Variants in WWOX observed in about 807,000 individuals in gnomAD.
The protein encoded by WWOX is WW domain-containing oxidoreductase.
Under a neutral mutation model 46.2 loss-of-function variants are expected in WWOX, and 69 were observed. The ratio of observed to expected loss-of-function variants is 1.49; its 90% CI spans 1.23 to 1.82. The LOEUF (loss-of-function observed/expected upper bound fraction) is 1.82, where lower values mean the gene tolerates loss of function less well. WWOX is among the 40% of genes most tolerant of loss of function. The pLI is 0.00. For synonymous variants in WWOX, 359 were observed against 202.6 expected (o/e 1.77, Z -6.56); for missense variants, 919 against 542.6 (o/e 1.69, Z -6.89).
chr16:78,326,789 G>T (rs1368401097), intron 5 of WWOX, among the ~76,000 whole-genome samples: 1 of 149,252 alleles, frequency 6.7e-6, no homozygotes, highest in African/African-American at 2.4e-5. Context: ...TTAAAATGCA[G>T]ATATAACTTT....
intron 6 of WWOX, among the ~76,000 whole-genome samples, chr16:78,399,421 T>A (rs1411715635): frequency 3.3e-5 from 5 of 152,168 alleles, no homozygotes; most frequent in African/African-American, 1.2e-4. Context: ...TTACAAGGAA[T>A]CTATGAACCT....
At chr16:78,674,504 C>G (rs1260967458) in intron 8 of WWOX, among the ~76,000 whole-genome samples, 1 of 152,010 alleles carries the variant, frequency 6.6e-6, no homozygotes, top group South Asian at 2.1e-4. Flanking sequence ...AGGCTGGTCT[C>G]AAACTCCTGA....
intron 8 of WWOX, among the ~76,000 whole-genome samples, chr16:78,862,455 A>G (rs1329994958): frequency 6.6e-6 from 1 of 151,878 alleles, no homozygotes; most frequent in Non-Finnish European, 1.5e-5. Flanking sequence ...TATAGTATTC[A>G]ATATAGATCT....
intron 8 of WWOX, among the ~76,000 whole-genome samples, chr16:78,881,778 A>C (rs750064805): frequency 6.6e-6 from 1 of 152,186 alleles, no homozygotes; most frequent in African/African-American, 2.4e-5. Flanking sequence ...TCTTCTGCTC[A>C]GTTGGTTTCT....
intron 8 of WWOX, among the ~76,000 whole-genome samples, chr16:78,501,476 C>G (rs778388731): frequency 2.0e-5 from 3 of 151,754 alleles, no homozygotes; most frequent in Admixed American, 6.6e-5. Context: ...TTTGCTGGCT[C>G]TCTTTCAAAC....
intron 8 of WWOX, among the ~76,000 whole-genome samples, chr16:78,807,463 T>TA (rs933720160): frequency 6.6e-6 from 1 of 152,194 alleles, no homozygotes; most frequent in Non-Finnish European, 1.5e-5. Flanking sequence ...TGAGGCCATG[T>TA]AAAAAAATGA....
At chr16:78,942,169 AGTGG>A (rs1449540927) in intron 8 of WWOX, among the ~76,000 whole-genome samples, 1 of 152,190 alleles carries the variant, frequency 6.6e-6, no homozygotes, top group Non-Finnish European at 1.5e-5. Flanking sequence ...GGAGAAGCAG[AGTGG>A]GTGCGTCTTT....
rs62036150 is a variant in WWOX, at chr16:78,747,054, A to G, written c.1056+314302A>G. On this transcript the variant is annotated intron_variant, in intron 8 of 8. Transcript: ENST00000566780. ...TTCCTACCTCAAGTAGCTGTGCCCA[A>G]TGTCCTCCCAATATCCTGCAACCAC... 8.5e-3 allele frequency among the ~76,000 whole-genome samples: 1,288 copies of G among 152,044 alleles called. 12 individuals are homozygous for G. Among genetic ancestry groups the G allele is most frequent in the South Asian group, 0.041 (198 of 4,794 alleles).
At chr16:79,182,520 G>A (rs1194901793) in intron 8 of WWOX, among the ~76,000 whole-genome samples, 1 of 152,108 alleles carries the variant, frequency 6.6e-6, no homozygotes, top group Non-Finnish European at 1.5e-5. Flanking sequence ...GGGATCAGAA[G>A]GAGGGAAAGT....
chr16:78,193,508 C>T (rs1016110109), intron 5 of WWOX, among the ~76,000 whole-genome samples: 1 of 16,648 alleles, frequency 6.0e-5, no homozygotes, highest in East Asian at 1.8e-3. Context: ...ATCAGTCACC[C>T]CATTAACCAC....
chr16:78,735,103 A>G (rs769930445), intron 8 of WWOX, among the ~76,000 whole-genome samples: 5 of 151,304 alleles, frequency 3.3e-5, no homozygotes, highest in African/African-American at 7.3e-5. Flanking sequence ...CTGACCTCAG[A>G]TGATCCACCT....
chr16:78,966,235 A>C, intron 8 of WWOX, among the ~76,000 whole-genome samples: 1 of 152,224 alleles, frequency 6.6e-6, no homozygotes, highest in East Asian at 1.9e-4. Context: ...GCACTGGTTT[A>C]AGAGGCTATA....
At chr16:78,828,439 G>A (rs555251239) in intron 8 of WWOX, among the ~76,000 whole-genome samples, 34 of 152,210 alleles carry the variant, frequency 2.2e-4, no homozygotes, top group African/African-American at 8.2e-4. Flanking sequence ...GTCACCATCA[G>A]TGTTACTGTT....
At chr16:78,176,434 G>C (rs1363723453) in intron 5 of WWOX, among the ~76,000 whole-genome samples, 1 of 152,188 alleles carries the variant, frequency 6.6e-6, no homozygotes, top group African/African-American at 2.4e-5. Flanking sequence ...TGAATGAAGA[G>C]CACAGTCTTC....
intron 8 of WWOX, among the ~76,000 whole-genome samples, chr16:79,008,683 C>G (rs2047239715): frequency 6.6e-6 from 1 of 152,168 alleles, no homozygotes; most frequent in Admixed American, 6.5e-5. Flanking sequence ...ATGTCACTCT[C>G]CCTACTCCCT....
intron 8 of WWOX, among the ~76,000 whole-genome samples, chr16:79,072,845 G>C (rs539458849): frequency 6.6e-5 from 10 of 152,240 alleles, no homozygotes; most frequent in African/African-American, 1.9e-4. Flanking sequence ...CATGTCTTTA[G>C]AACCAGAATG....
chr16:78,349,101 C>T (rs1250276611), intron 5 of WWOX, among the ~76,000 whole-genome samples: 1 of 120,258 alleles, frequency 8.3e-6, no homozygotes, highest in Non-Finnish European at 2.0e-5. Context: ...GGTTCCGGCA[C>T]AGTTGATGTC....
chr16:78,409,747 G>T (rs1429368809), intron 6 of WWOX, among the ~76,000 whole-genome samples: 1 of 152,088 alleles, frequency 6.6e-6, no homozygotes, highest in African/African-American at 2.4e-5. Flanking sequence ...AGAGACTCCA[G>T]GGAGAATATT....
At chr16:79,100,824 A>G (rs937184015) in intron 8 of WWOX, among the ~76,000 whole-genome samples, 5 of 152,060 alleles carry the variant, frequency 3.3e-5, no homozygotes, top group African/African-American at 1.2e-4. Context: ...CTCCCCGTGG[A>G]GCACACGAGA....
Sources: allele counts gnomAD v4.1 joint callset (sites outside exome capture counted in the v4.1 genomes callset), GRCh38; gene constraint gnomAD v4.1.1; transcripts MANE v1.5; gene names NCBI Gene and HGNC (gene_info 2026-07-23, HGNC 2026-07-21).